PRRC2B: variants seen among roughly 807,000 people sequenced by gnomAD.
PRRC2B encodes the protein proline rich coiled-coil 2B.
PRRC2B carries 68 observed loss-of-function variants against 242.3 expected under a neutral mutation model. The observed-to-expected ratio is 0.28, with a 90% CI of 0.23 to 0.34. The LOEUF (loss-of-function observed/expected upper bound fraction) is 0.34. Ranked by LOEUF, PRRC2B falls within the 10% of genes least tolerant of loss-of-function variation. The pLI is 1.00. For synonymous variants in PRRC2B, 1,228 were observed against 1,173.6 expected (o/e 1.05, Z -0.95); for missense variants, 2,835 against 2,954.8 (o/e 0.96, Z 0.94).
chr9:131,487,339 G>A lies in PRRC2B; in HGVS notation c.5984+45G>A. 5.2e-6 allele frequency: 8 copies of A among 1,539,702 alleles called. No homozygotes were observed. Among genetic ancestry groups the A allele is most frequent in the Non-Finnish European group, 7.0e-6 (8 of 1,139,314 alleles). On this transcript the variant is annotated intron_variant, in intron 27 of 31. Coordinates refer to ENST00000683519, the MANE Select transcript of PRRC2B (RefSeq NM_013318.4). This position sits in a 1 kb window ranked among gnomAD's most constrained non-coding sequence, Gnocchi z 5.3. ...TGCGGAGCTGGCAGCTCACAGCCAGGGCCTTGGCCCTGTGTGCAGCCTTCG... is the reference window on the plus strand; with the variant it reads ...TGCGGAGCTGGCAGCTCACAGCCAGAGCCTTGGCCCTGTGTGCAGCCTTCG...
intron 5 of PRRC2B, among the ~76,000 whole-genome samples, chr9:131,440,007 A>ATGGG (rs1838508826): frequency 6.6e-6 from 1 of 151,774 alleles, no homozygotes; most frequent in Non-Finnish European, 1.5e-5. Context: ...TCAGCCTCCC[A>ATGGG]AGTAGCTGGG....
intron 13 of PRRC2B, among the ~76,000 whole-genome samples, chr9:131,468,721 T>C (rs1176546053): frequency 2.6e-5 from 4 of 152,184 alleles, no homozygotes; most frequent in Non-Finnish European, 5.9e-5. Flanking sequence ...CTAATATTAA[T>C]TGAAAATATT....
chr9:131,428,673 A>G (rs561685146), intron 1 of PRRC2B, among the ~76,000 whole-genome samples: 75 of 152,218 alleles, frequency 4.9e-4, no homozygotes, highest in African/African-American at 1.7e-3. Flanking sequence ...TTGGGATTAT[A>G]GGTGTGAACC....
intron 13 of PRRC2B, 119 bp from the exon 14 acceptor site, chr9:131,470,669 C>T (rs554840324): frequency 8.0e-6 from 6 of 754,128 alleles, no homozygotes; most frequent in African/African-American, 7.1e-5. Context: ...CCTCCTTGGT[C>T]TTCTGTTCTA....
At chr9:131,381,235 G>A (rs1836755761) in intron 1 of PRRC2B, among the ~76,000 whole-genome samples, 1 of 152,180 alleles carries the variant, frequency 6.6e-6, no homozygotes, top group Non-Finnish European at 1.5e-5. Flanking sequence ...GTTCAGGAAT[G>A]CTGCCATGGG....
chr9:131,447,318 C>CTTAACCA, intron 8 of PRRC2B, 112 bp downstream of exon 8: 1 of 1,351,480 alleles, frequency 7.4e-7, no homozygotes, highest in Middle Eastern at 2.5e-4. Context: ...CCACAGAGAA[C>CTTAACCA]TTAACCAGCT....
chr9:131,467,563 G>A lies in PRRC2B; in HGVS notation c.1721G>A (p.Gly574Asp). The A allele has an allele frequency of 1.9e-6, 3 of 1,598,396 alleles. No homozygotes were observed. Among genetic ancestry groups the A allele is most frequent in the Admixed American group, 1.7e-5 (1 of 57,732 alleles). ...PQENGPAVHK[G>D]SPEFPAQETP... ...ATTTCTCTGCTGGTATATTCTCTAG[G>A]CTCCCCAGAATTCCCTGCCCAAGAG... Residue 574 changes from glycine (G) to aspartate (D), a missense_variant and splice_region_variant, in exon 13 of 32, where the codon GGC becomes GAC. This residue lies in a region of PRRC2B where 1,536 missense variants were observed against 1,483.1 expected (regional missense o/e 1.04). Transcript: ENST00000683519.
Position 131,446,895 on chromosome 9 carries a change from T to C in PRRC2B, c.856-190T>C, listed in dbSNP as rs185549644. On this transcript the variant is annotated intron_variant, in intron 7 of 31. Coordinates refer to ENST00000683519, the MANE Select transcript of PRRC2B (RefSeq NM_013318.4). This position sits in a 1 kb window ranked among gnomAD's most constrained non-coding sequence, Gnocchi z 4.1. ...CAGGAGAGGCAGGTTTTCCCTGACATAGGTCCCCAAGTCTACTTACTGGCA... is the reference window on the plus strand; with the variant it reads ...CAGGAGAGGCAGGTTTTCCCTGACACAGGTCCCCAAGTCTACTTACTGGCA... Among the ~76,000 whole-genome samples the C allele has an allele frequency of 3.0e-3, 455 of 152,302 alleles. 7 individuals are homozygous for C. The highest frequency in any genetic ancestry group is 2.1e-3 in the Admixed American group (32 of 15,292).
At chr9:131,411,578 C>T (rs986775844) in intron 1 of PRRC2B, among the ~76,000 whole-genome samples, 6 of 151,818 alleles carry the variant, frequency 4.0e-5, no homozygotes, top group East Asian at 2.0e-4. Flanking sequence ...CTCCTGACCT[C>T]GTGATCCGCC....
intron 28 of PRRC2B, chr9:131,490,526 C>G (rs779685263): frequency 1.9e-6 from 1 of 519,204 alleles, no homozygotes; most frequent in East Asian, 5.5e-5. Flanking sequence ...TGACCCTCCA[C>G]TGTGGACTCA....
intron 10 of PRRC2B, among the ~76,000 whole-genome samples, chr9:131,456,567 C>G (rs1405403724): frequency 6.6e-6 from 1 of 151,710 alleles, no homozygotes; most frequent in South Asian, 2.1e-4. Flanking sequence ...GGAGGCGGAG[C>G]TTGCAGTGAG....
At chr9:131,483,571 A>G (rs913540150) in intron 23 of PRRC2B, 126 bp downstream of exon 23, 14 of 815,732 alleles carry the variant, frequency 1.7e-5, no homozygotes, top group Non-Finnish European at 2.7e-5. Flanking sequence ...TAGCAGCTCC[A>G]TGTCCTTAAA....
intron 29 of PRRC2B, 87 bp from the exon 30 acceptor site, chr9:131,492,082 A>C: frequency 9.7e-7 from 1 of 1,034,770 alleles, no homozygotes; most frequent in South Asian, 1.3e-5. Flanking sequence ...GGCCCTCACC[A>C]CCTCTGCCCT....
chr9:131,407,195 A>C (rs2131291782), intron 1 of PRRC2B, among the ~76,000 whole-genome samples: 1 of 152,218 alleles, frequency 6.6e-6, no homozygotes, highest in South Asian at 2.1e-4. Flanking sequence ...GCTTCCAAAG[A>C]TCCCACAGCT....
intron 1 of PRRC2B, among the ~76,000 whole-genome samples, chr9:131,423,742 G>A (rs969835977): frequency 6.6e-6 from 1 of 152,326 alleles, no homozygotes; most frequent in African/African-American, 2.4e-5. Context: ...CTGATGGAAC[G>A]TTGAGGCTGG....
rs758935767 is a variant in PRRC2B, at chr9:131,467,651, C to T, written c.1809C>T (p.Ser603=). The part of the protein sequence containing the change: ...TVSPAVAQSN[S]SEEEAREAGS... ...CCCCAGCAGTGGCACAGAGCAACAG[C>T]AGTGAGGAAGAGGCCAGAGAGGCTG... Residue 603 remains serine, a synonymous_variant, in exon 13 of 32, where the codon AGC becomes AGT. Transcript: ENST00000683519. 6 of 1,613,824 alleles carry T rather than the reference C, an allele frequency of 3.7e-6. No individual in the cohort carries two copies. In the South Asian group the frequency reaches 6.6e-5, roughly 18 times the overall value.
At chr9:131,455,261 A>C in intron 10 of PRRC2B, 95 bp downstream of exon 10, 1 of 824,284 alleles carries the variant, frequency 1.2e-6, no homozygotes, top group Non-Finnish European at 2.0e-6. Flanking sequence ...GCAACCTGGA[A>C]TGGCAGACAG....
intron 12 of PRRC2B, among the ~76,000 whole-genome samples, chr9:131,466,583 A>AT (rs1943400839): frequency 6.6e-6 from 1 of 151,014 alleles, no homozygotes; most frequent in Non-Finnish European, 1.5e-5. Flanking sequence ...GATGTTGGAT[A>AT]TGTGGGCTGT....
At chr9:131,460,883 C>G (rs907217073) in intron 11 of PRRC2B, among the ~76,000 whole-genome samples, 1 of 152,146 alleles carries the variant, frequency 6.6e-6, no homozygotes, top group Non-Finnish European at 1.5e-5. Flanking sequence ...TGTCTGAGAC[C>G]CAGCAGGCTC....
Sources: allele counts gnomAD v4.1 joint callset (sites outside exome capture counted in the v4.1 genomes callset), GRCh38; gene constraint gnomAD v4.1.1; regional missense constraint gnomAD v4.1.1; non-coding constraint Gnocchi (gnomAD v3.1); transcripts MANE v1.5; gene names NCBI Gene and HGNC (gene_info 2026-07-23, HGNC 2026-07-21).